The following TMEM267 variants were observed in gnomAD, a reference collection of about 807,000 sequenced individuals.
TMEM267 encodes transmembrane protein 267, also known as transmembrane protein C5orf28.
A neutral mutation model predicts 19.3 loss-of-function variants in TMEM267; 20 were observed. The ratio of observed to expected loss-of-function variants is 1.04; its 90% CI spans 0.73 to 1.51. TMEM267 has a LOEUF of 1.51. TMEM267 is among the 40% of genes most tolerant of loss of function. The probability of loss-of-function intolerance (pLI) is 0.00; values close to 1 mark genes in which losing one functional copy is unlikely to be tolerated. For missense variants in TMEM267, 242 were observed against 261.9 expected, an observed-to-expected ratio of 0.92 and a Z score of 0.52; for synonymous variants, 88 against 90.3, an observed-to-expected ratio of 0.97 and a Z score of 0.15.
Position 43,446,463 on chromosome 5 carries a change from T to C in TMEM267, c.407A>G (p.Lys136Arg). Residue 136 changes from lysine to arginine, a missense_variant, in exon 3 of 3, where the codon AAG becomes AGG. By Grantham distance (26) the Lys-to-Arg change is conservative. Coordinates refer to ENST00000397080, the MANE Select transcript of TMEM267 (RefSeq NM_022483.5). ...LTLKFTMHLF[K>R]LKDSWCFLPW... is the part of the protein sequence containing the mutation. ...AAGAAAGCACCATGAGTCTTTGAGCTTGAAAAGGTGCATAGTAAATTTCAG... is the reference window on the plus strand; with the variant it reads ...AAGAAAGCACCATGAGTCTTTGAGCCTGAAAAGGTGCATAGTAAATTTCAG... 6.2e-7 allele frequency: 1 copy of C among 1,613,850 alleles called. No homozygotes were observed. Among genetic ancestry groups the C allele is most frequent in the Non-Finnish European group, 8.5e-7 (1 of 1,179,766 alleles).
chr5:43,477,401 A>G (rs965086114), intron 1 of TMEM267, among the ~76,000 whole-genome samples: 5 of 152,158 alleles, frequency 3.3e-5, no homozygotes, highest in Admixed American at 3.3e-4. Context: ...AGCCTGACCA[A>G]CACCGTGAAA....
chr5:43,466,235 A>C, intron 1 of TMEM267, among the ~76,000 whole-genome samples: 1 of 152,166 alleles, frequency 6.6e-6, no homozygotes, highest in East Asian at 1.9e-4. Context: ...ATAAAGTAAC[A>C]ATCCTAAAAG....
intron 1 of TMEM267, among the ~76,000 whole-genome samples, chr5:43,481,895 T>C (rs2112231587): frequency 6.6e-6 from 1 of 152,302 alleles, no homozygotes; most frequent in Admixed American, 6.5e-5. Flanking sequence ...CAGGCTGGAG[T>C]GCAGTGGCAT....
intron 1 of TMEM267, among the ~76,000 whole-genome samples, chr5:43,456,968 T>G (rs1742989545): frequency 6.6e-6 from 1 of 152,178 alleles, no homozygotes; most frequent in South Asian, 2.1e-4. Flanking sequence ...CTGAATTTGT[T>G]CCAAGTTGGA....
chr5:43,460,091 G>A (rs535352822), intron 1 of TMEM267, among the ~76,000 whole-genome samples: 8 of 152,242 alleles, frequency 5.3e-5, no homozygotes, highest in South Asian at 2.1e-4. Flanking sequence ...CCTAGAACTC[G>A]CATGTGCAGT....
chr5:43,469,221 G>T lies in TMEM267; in HGVS notation c.-75+14601C>A, dbSNP rs571763032. 4.8e-3 allele frequency among the ~76,000 whole-genome samples: 724 copies of T among 151,704 alleles called. 5 individuals carry two copies. The highest frequency in any genetic ancestry group is 0.016 in the African/African-American group (651 of 41,378). On this transcript the variant is annotated intron_variant, in intron 1 of 2. Transcript: ENST00000397080. ...AAAAGAAATAATAAAGATCAGAGAA[G>T]AAATAAATGAAATTGAAATAAAAAA...
At chr5:43,463,696 C>A (rs557931217) in intron 1 of TMEM267, among the ~76,000 whole-genome samples, 4 of 152,176 alleles carry the variant, frequency 2.6e-5, no homozygotes, top group South Asian at 2.1e-4. Flanking sequence ...AGAAGCAAAG[C>A]CAAAAACCAC....
chr5:43,453,487 G>C (rs1289808935), intron 2 of TMEM267, among the ~76,000 whole-genome samples, 171 bp downstream of exon 2: 2 of 152,192 alleles, frequency 1.3e-5, no homozygotes, highest in Admixed American at 1.3e-4. Flanking sequence ...AATTTGATTA[G>C]CAACATGTCT....
chr5:43,455,244 T>C (rs929557281), intron 1 of TMEM267, among the ~76,000 whole-genome samples: 4 of 151,924 alleles, frequency 2.6e-5, no homozygotes, highest in Non-Finnish European at 5.9e-5. Flanking sequence ...GGCAACATAG[T>C]GAGACACTGT....
Position 43,444,490 on chromosome 5 carries a change from G to A in TMEM267, c.*1732C>T, listed in dbSNP as rs572975710. 1 of 152,168 alleles carries A rather than the reference G, an allele frequency of 6.6e-6. No homozygotes were observed. The highest frequency in any genetic ancestry group is 6.5e-5 in the Admixed American group (1 of 15,272). 9.4% of individuals were successfully genotyped at this position (152,168 alleles called of 1,614,324 possible). ...GGGTTTCACCATGTTGGCCAGGCTGGTCTCGAACTCCTGACCTCAAGTGAC... is the reference window on the plus strand; with the variant it reads ...GGGTTTCACCATGTTGGCCAGGCTGATCTCGAACTCCTGACCTCAAGTGAC... On this transcript the variant is annotated 3_prime_UTR_variant, in exon 3 of 3. Transcript: ENST00000397080.
intron 1 of TMEM267, among the ~76,000 whole-genome samples, chr5:43,457,855 C>T (rs1743041832): frequency 6.6e-6 from 1 of 152,092 alleles, no homozygotes; most frequent in African/African-American, 2.4e-5. Flanking sequence ...ATATTTTTCT[C>T]TATTTTTCTG....
chr5:43,463,694 A>T (rs1743424245), intron 1 of TMEM267, among the ~76,000 whole-genome samples: 1 of 152,226 alleles, frequency 6.6e-6, no homozygotes, highest in Non-Finnish European at 1.5e-5. Flanking sequence ...ACAGAAGCAA[A>T]GCCAAAAACC....
chr5:43,448,851 AT>A (rs1402686485), intron 2 of TMEM267, among the ~76,000 whole-genome samples: 2 of 151,772 alleles, frequency 1.3e-5, no homozygotes, highest in African/African-American at 2.4e-5. Context: ...ACAAAAAAAA[AT>A]TTTTTTTAAA....
At chr5:43,454,106 A>C in intron 1 of TMEM267, 63 bp from the exon 2 acceptor site, 1 of 1,141,992 alleles carries the variant, frequency 8.8e-7, no homozygotes. Context: ...ATATTTAAAC[A>C]AAACAGTATC....
At chr5:43,448,196 C>T (rs1226805633) in intron 2 of TMEM267, among the ~76,000 whole-genome samples, 1 of 152,130 alleles carries the variant, frequency 6.6e-6, no homozygotes, top group African/African-American at 2.4e-5. Flanking sequence ...GTCTGAACAT[C>T]AAAGAGTTTA....
intron 1 of TMEM267, among the ~76,000 whole-genome samples, chr5:43,477,613 G>C (rs1278047965): frequency 3.5e-5 from 5 of 142,414 alleles, no homozygotes; most frequent in Admixed American, 2.8e-4. Context: ...AAAAAAAAAA[G>C]GACACCAGAC....
At chr5:43,456,756 A>C (rs13173517) in intron 1 of TMEM267, among the ~76,000 whole-genome samples, 1 of 152,212 alleles carries the variant, frequency 6.6e-6, no homozygotes, top group East Asian at 1.9e-4. Context: ...CCAGATGTTG[A>C]CAAAGATGTG....
At chr5:43,463,668 G>A (rs987861515) in intron 1 of TMEM267, among the ~76,000 whole-genome samples, 31 of 152,090 alleles carry the variant, frequency 2.0e-4, no homozygotes, top group African/African-American at 7.0e-4. Flanking sequence ...ATCAATAAAC[G>A]TAATCCAGCA....
chr5:43,466,728 T>C (rs1743704464), intron 1 of TMEM267, among the ~76,000 whole-genome samples: 1 of 151,964 alleles, frequency 6.6e-6, no homozygotes. Context: ...GTTGTAAGAG[T>C]ATCTACAAAC....
Sources: allele counts gnomAD v4.1 joint callset (sites outside exome capture counted in the v4.1 genomes callset), GRCh38; gene constraint gnomAD v4.1.1; transcripts MANE v1.5; gene names NCBI Gene and HGNC (gene_info 2026-07-23, HGNC 2026-07-21).